Variants in SENP3 observed in about 807,000 individuals in gnomAD.
The protein encoded by SENP3 is SUMO specific peptidase 3, also known as sentrin-specific protease 3.
Under a neutral mutation model 66.2 loss-of-function variants are expected in SENP3, and 11 were observed. The observed-to-expected ratio is 0.17, with a 90% CI of 0.10 to 0.28. The LOEUF is 0.28. Among genes scored for constraint, SENP3 ranks in the 10% least tolerant of loss-of-function variants. The pLI is 1.00. For synonymous variants in SENP3, 292 were observed against 277.6 expected (o/e 1.05, Z -0.52); for missense variants, 548 against 743.7 (o/e 0.74, Z 3.06).
Position 7,571,526 on chromosome 17 carries a change from C to G in SENP3, c.*43C>G. ...CCAAGCCCATAAATGGGAAGGGAGA[C>G]ATGGGAGTCCCTTCCCAAGAAACTC... On this transcript the variant is annotated 3_prime_UTR_variant, in exon 11 of 11. Transcript: ENST00000321337. 7.2e-7 allele frequency: 1 copy of G among 1,380,918 alleles called. No homozygotes were observed. 85.5% of individuals were successfully genotyped at this position (1,380,918 alleles called of 1,614,324 possible).
chr17:7,566,039 A>AAAAACAG, intron 6 of SENP3: 1 of 332,942 alleles, frequency 3.0e-6, no homozygotes, highest in Non-Finnish European at 5.5e-6. Flanking sequence ...GATTTAAAAA[A>AAAAACAG]AAAAAGAAAA....
chr17:7,570,436 G>A lies in SENP3; in HGVS notation c.1422G>A (p.Arg474=). 6.2e-7 allele frequency: 1 copy of A among 1,613,766 alleles called. No individual in the cohort carries two copies. The highest frequency in any genetic ancestry group is 8.5e-7 in the Non-Finnish European group (1 of 1,179,874). Residue 474 remains arginine, a synonymous_variant, in exon 8 of 11, where the codon AGG becomes AGA. Transcript: ENST00000321337. This position sits in a 1 kb window ranked among gnomAD's most constrained non-coding sequence, Gnocchi z 5.4. ...GGTCCCTCATCTCTGTTGATGTGAGGCGACGCACCATCACCTATTTTGACT... is the reference window on the plus strand; with the variant it reads ...GGTCCCTCATCTCTGTTGATGTGAGACGACGCACCATCACCTATTTTGACT... ...VHWSLISVDV[R]RRTITYFDSQ... is the part of the protein sequence containing the mutation.
At position 7,563,331 on chromosome 17, in the gene SENP3, G is replaced by A. The variant is rs201692314; in HGVS notation, c.255G>A (p.Glu85=). The A allele has an allele frequency of 6.4e-7, 1 of 1,552,558 alleles. No homozygotes were observed. Among genetic ancestry groups the A allele is most frequent in the Non-Finnish European group, 8.7e-7 (1 of 1,147,358 alleles). Residue 85 remains glutamate, a synonymous_variant, in exon 2 of 11, where the codon GAG becomes GAA. Transcript: ENST00000321337. ...SEEEEEEEEE[E]DEDEEEEVAA... ...AGGAGGAAGAAGAGGAGGAGGAGGA[G>A]GATGAAGATGAAGAGGAGGAAGTGG...
rs2071256150 is a variant in SENP3 at position 7,564,923 on chromosome 17, G to T, written c.956-36G>T. The T allele has an allele frequency of 1.9e-6, 3 of 1,609,092 alleles. No homozygotes were observed. The East Asian group carries it at 6.7e-5, about 36-fold the overall frequency. ...TTCTCCGACTCCTAGAGGAGAGTCT[G>T]GAGGCCTCACCCCCTCCTCTCTCCC... On this transcript the variant is annotated intron_variant, in intron 3 of 10. Coordinates refer to ENST00000321337, the MANE Select transcript of SENP3 (RefSeq NM_015670.6).
rs1567728822 is a variant in SENP3 at position 7,565,076 on chromosome 17, GCTTGAAAGCCCTC to G, written c.1067+15_1067+27del. ...GAGTTTTCCACCCCTTCCAGGTGAGGCTTGAAAGCCCTCCTTGAAAGAAGGGCTGGGGCCTTGG... is the reference window on the plus strand; with the variant it reads ...GAGTTTTCCACCCCTTCCAGGTGAGGCTTGAAAGAAGGGCTGGGGCCTTGG... On this transcript the variant is annotated splice_region_variant and intron_variant, in intron 4 of 10. Transcript: ENST00000321337. 11 of 1,594,910 alleles carry G rather than the reference GCTTGAAAGCCCTC, an allele frequency of 6.9e-6. No homozygotes were observed. Among genetic ancestry groups the G allele is most frequent in the Non-Finnish European group, 9.5e-6 (11 of 1,163,174 alleles).
chr17:7,571,324 C>T, intron 10 of SENP3, 49 bp from the exon 11 acceptor site: 1 of 1,331,724 alleles, frequency 7.5e-7, no homozygotes, highest in Non-Finnish European at 1.1e-6. Context: ...ATGTGTAGCA[C>T]AGGTCCTGAC....
intron 2 of SENP3, chr17:7,564,299 C>T (rs929836238): frequency 3.3e-5 from 15 of 453,908 alleles, no homozygotes; most frequent in African/African-American, 2.2e-4. Context: ...ATTCATTGAG[C>T]CTTTACAATA....
At chr17:7,566,906 T>A (rs2071273750) in intron 6 of SENP3, 21 bp from the exon 7 acceptor site, 1 of 1,536,412 alleles carries the variant, frequency 6.5e-7, no homozygotes, top group Non-Finnish European at 8.8e-7. Flanking sequence ...TCCATTGAGC[T>A]TTTTTGTGTC....
Position 7,565,576 on chromosome 17 carries a change from C to T in SENP3, c.1204C>T (p.Leu402Phe). ...GGGGACCTTGTATGGACAGAACTGG[C>T]TCAATGACCAGGTGAGAAAGGGTAG... ...DLGTLYGQNW[L>F]NDQVMNMYGD... The change falls in exon 5 of 11, where the codon CTC (leucine) becomes TTC (phenylalanine). Residue 402 changes from leucine to phenylalanine, a missense_variant. Around this residue, in one of 6 missense-constraint regions of SENP3, gnomAD observed 72 missense variants for 137.9 expected, o/e 0.52. Transcript: ENST00000321337. 6.2e-7 allele frequency: 1 copy of T among 1,613,852 alleles called. No individual in the cohort carries two copies. Among genetic ancestry groups the T allele is most frequent in the Non-Finnish European group, 8.5e-7 (1 of 1,179,860 alleles).
In SENP3 at chr17:7,563,406, GCCC is replaced by G; in HGVS notation, c.332_334del (p.Pro111del). ...GGAGTCAGCTGGGAACCTCCCAGCG[GCCC>G]CGCCCTTCCCGCCCCACTCATCGAA... is the stretch of plus-strand genomic sequence containing the variant. On this transcript the variant is annotated inframe_deletion, in exon 2 of 11. Transcript: ENST00000321337. The G allele has an allele frequency of 6.5e-7, 1 of 1,547,586 alleles. No individual in the cohort carries two copies. The highest frequency in any genetic ancestry group is 8.7e-7 in the Non-Finnish European group (1 of 1,144,084).
chr17:7,564,588 A>G (rs753826051), intron 2 of SENP3, 37 bp from the exon 3 acceptor site: 79 of 1,611,494 alleles, frequency 4.9e-5, no homozygotes, highest in Middle Eastern at 3.3e-4. Flanking sequence ...TCCCCAGGCC[A>G]GTCTCTCATG....
chr17:7,566,327 A>G (rs2071267755), intron 6 of SENP3, among the ~76,000 whole-genome samples: 1 of 142,008 alleles, frequency 7.0e-6, no homozygotes, highest in Admixed American at 7.2e-5. Flanking sequence ...GGGCAACAAG[A>G]GCGGAATTCT....
chr17:7,568,654 C>A (rs1232747464), intron 7 of SENP3, among the ~76,000 whole-genome samples: 1 of 152,130 alleles, frequency 6.6e-6, no homozygotes, highest in African/African-American at 2.4e-5. Context: ...GGCATGGAGG[C>A]TCCCACAGGA....
rs981095553 is a variant in SENP3, at chr17:7,565,367, C to T, written c.1068-73C>T. 39 of 1,544,024 alleles carry T rather than the reference C, an allele frequency of 2.5e-5. No homozygotes were observed. The African/African-American group carries it at 3.1e-4, about 12-fold the overall frequency. ...AGGGAGTCAGTTAGAATTTGTATTC[C>T]AGGGAGTAGTAGGTATTTCTGTGTG... On this transcript the variant is annotated intron_variant, in intron 4 of 10. Transcript: ENST00000321337.
intron 2 of SENP3, 94 bp from the exon 3 acceptor site, chr17:7,564,531 G>A (rs769289317): frequency 1.1e-5 from 16 of 1,522,576 alleles, no homozygotes; most frequent in East Asian, 2.4e-5. Context: ...TCCTTCTTGC[G>A]GTCTTATTTG....
chr17:7,563,210 G>T lies in SENP3; in HGVS notation c.134G>T (p.Gly45Val). The part of the protein sequence containing the change: ...PPPPKPRLKS[G>V]GGFGPDPGSG... ...CCTCCCAAACCCCGACTCAAGTCAG[G>T]TGGAGGGTTTGGGCCAGATCCTGGG... Residue 45 changes from glycine (G) to valine (V), a missense_variant, in exon 2 of 11, where the codon GGT becomes GTT. This residue lies in a region of SENP3 where 164 missense variants were observed against 167.9 expected (regional missense o/e 0.98). Transcript: ENST00000321337. 1 of 1,575,172 alleles carries T rather than the reference G, an allele frequency of 6.3e-7. No individual in the cohort carries two copies. Among genetic ancestry groups the T allele is most frequent in the Non-Finnish European group, 8.6e-7 (1 of 1,159,618 alleles).
In SENP3 at chr17:7,571,357, C is replaced by T. The variant is rs2071312931; in HGVS notation, c.1615-16C>T. The stretch of plus-strand genomic sequence containing the variant: ...GACACGGGGGGTTTCTCATGGCTTG[C>T]TTTGTTAACACCCAGTACTGCAAGC... On this transcript the variant is annotated splice_polypyrimidine_tract_variant and intron_variant, in intron 10 of 10. Transcript: ENST00000321337. The T allele has an allele frequency of 1.3e-6, 2 of 1,599,160 alleles. No homozygotes were observed. The highest frequency in any genetic ancestry group is 1.7e-6 in the Non-Finnish European group (2 of 1,166,670).
rs1597836774 is a variant in SENP3, at chr17:7,561,927, C to T, written c.-348C>T. ...GGCGCTCTTCGCCGGGTGTGACGTACTAATCGTGCGCCACCGCTGCCGGTG... is the reference window on the plus strand; with the variant it reads ...GGCGCTCTTCGCCGGGTGTGACGTATTAATCGTGCGCCACCGCTGCCGGTG... On this transcript the variant is annotated 5_prime_UTR_variant, in exon 1 of 11. Transcript: ENST00000321337. This position sits in a 1 kb window ranked among gnomAD's most constrained non-coding sequence, Gnocchi z 4.4. 16 of 385,522 alleles carry T rather than the reference C, an allele frequency of 4.2e-5. No homozygotes were observed. The East Asian group carries it at 5.9e-4, about 14-fold the overall frequency. 23.9% of individuals were successfully genotyped at this position (385,522 alleles called of 1,614,324 possible).
rs775621360 is a variant in SENP3, at chr17:7,563,244, C to T, written c.168C>T (p.Thr56=). 6.4e-6 allele frequency: 10 copies of T among 1,562,568 alleles called. No individual in the cohort carries two copies. The African/African-American group carries it at 6.8e-5, about 11-fold the overall frequency. ...GGFGPDPGSG[T]TVPARRLPVP... is the part of the protein sequence containing the mutation. ...TTGGGCCAGATCCTGGGTCAGGGAC[C>T]ACAGTGCCAGCCAGACGCCTCCCTG... is the stretch of plus-strand genomic sequence containing the variant. The change falls in exon 2 of 11, where the codon ACC becomes ACT. Residue 56 remains threonine, a synonymous_variant. Transcript: ENST00000321337.
Sources: allele counts gnomAD v4.1 joint callset (sites outside exome capture counted in the v4.1 genomes callset), GRCh38; gene constraint gnomAD v4.1.1; regional missense constraint gnomAD v4.1.1; non-coding constraint Gnocchi (gnomAD v3.1); transcripts MANE v1.5; gene names NCBI Gene and HGNC (gene_info 2026-07-23, HGNC 2026-07-21).